The following AGMO variants were observed in gnomAD, a reference collection of about 807,000 sequenced individuals.
AGMO encodes glyceryl-ether monooxygenase.
In AGMO, 75 loss-of-function variants were observed where a neutral mutation model predicts 60.2. The observed-to-expected ratio is 1.25, with a 90% CI of 1.03 to 1.51. The LOEUF (loss-of-function observed/expected upper bound fraction) is 1.51, where lower values mean the gene tolerates loss of function less well. Ranked by LOEUF, AGMO falls within the 40% of genes most tolerant of loss-of-function variation. AGMO has a pLI of 0.00. For missense variants in AGMO, 763 were observed against 525.5 expected, an observed-to-expected ratio of 1.45 and a Z score of -4.42; for synonymous variants, 261 against 177.1, an observed-to-expected ratio of 1.47 and a Z score of -3.76.
At chr7:15,280,036 A>G (rs1462430293) in intron 12 of AGMO, among the ~76,000 whole-genome samples, 1 of 152,104 alleles carries the variant, frequency 6.6e-6, no homozygotes, top group Non-Finnish European at 1.5e-5. Context: ...TAGTGATATA[A>G]TCTCAATTGA....
intron 12 of AGMO, among the ~76,000 whole-genome samples, chr7:15,279,832 G>C (rs1162489586): frequency 1.3e-5 from 2 of 152,186 alleles, no homozygotes; most frequent in Non-Finnish European, 2.9e-5. Flanking sequence ...ACCATACCCA[G>C]TGCTGGAACT....
At chr7:15,221,641 T>A (rs1175911096) in intron 12 of AGMO, among the ~76,000 whole-genome samples, 1 of 152,268 alleles carries the variant, frequency 6.6e-6, no homozygotes, top group South Asian at 2.1e-4. Flanking sequence ...CTGGAAATTG[T>A]AGAATCCCTT....
At chr7:15,490,492 A>C (rs1783041478) in intron 3 of AGMO, among the ~76,000 whole-genome samples, 1 of 152,110 alleles carries the variant, frequency 6.6e-6, no homozygotes, top group Admixed American at 6.5e-5. Flanking sequence ...TTTTTTCTAG[A>C]GTTAATACTC....
At chr7:15,281,840 C>T (rs1279705611) in intron 12 of AGMO, among the ~76,000 whole-genome samples, 2 of 152,014 alleles carry the variant, frequency 1.3e-5, no homozygotes, top group Non-Finnish European at 2.9e-5. Context: ...TGAGATAAGC[C>T]TCAAGAAACT....
chr7:15,242,915 T>C (rs182434179), intron 12 of AGMO, among the ~76,000 whole-genome samples: 96 of 152,158 alleles, frequency 6.3e-4, no homozygotes, highest in African/African-American at 1.9e-3. Context: ...TACTACAATA[T>C]TTTAGGAAGT....
chr7:15,240,896 G>C (rs571553217), intron 12 of AGMO, among the ~76,000 whole-genome samples: 1 of 151,878 alleles, frequency 6.6e-6, no homozygotes, highest in Non-Finnish European at 1.5e-5. Context: ...TAGTTCAGTG[G>C]AGTTAATTCA....
At chr7:15,122,318 A>G in the AGMO span, among the ~76,000 whole-genome samples, 1 of 152,112 alleles carries the variant, frequency 6.6e-6, no homozygotes, top group Non-Finnish European at 1.5e-5. Context: ...CCTTAATGTC[A>G]GACTATCCAT....
intron 2 of AGMO, among the ~76,000 whole-genome samples, chr7:15,547,061 T>C (rs1301960301): frequency 6.6e-6 from 1 of 152,234 alleles, no homozygotes; most frequent in Non-Finnish European, 1.5e-5. Flanking sequence ...AAAATAGGAA[T>C]TCTTAACCTT....
At chr7:15,132,997 C>A in the AGMO span, among the ~76,000 whole-genome samples, 75 of 152,220 alleles carry the variant, frequency 4.9e-4, no homozygotes, top group African/African-American at 1.7e-3. Context: ...TTGACAGAAC[C>A]ATTTCACTAT....
chr7:15,310,786 C>T (rs1033337694), intron 12 of AGMO, among the ~76,000 whole-genome samples: 1 of 152,126 alleles, frequency 6.6e-6, no homozygotes, highest in Admixed American at 6.5e-5. Flanking sequence ...ATGGGCCTCA[C>T]TGTTCGAAAA....
Position 15,227,924 on chromosome 7 carries a change from T to TA in AGMO, c.1264-26566dup, listed in dbSNP as rs932510980. On this transcript the variant is annotated intron_variant, in intron 12 of 12. Transcript: ENST00000342526. Reference sequence around the variant, plus strand: ...TTTTCTTTCCTCAAAAGCTTGGTATTAGAGTATTGGCTTCTCGTGTGTTGG... The same window carrying TA: ...TTTTCTTTCCTCAAAAGCTTGGTATTAAGAGTATTGGCTTCTCGTGTGTTGG... Among the ~76,000 whole-genome samples, 13 of 152,208 alleles carry TA rather than the reference T, an allele frequency of 8.5e-5. No homozygotes were observed. The South Asian group carries it at 1.2e-3, about 15-fold the overall frequency.
intron 3 of AGMO, among the ~76,000 whole-genome samples, chr7:15,523,987 T>C (rs1784063030): frequency 6.6e-6 from 1 of 152,118 alleles, no homozygotes. Flanking sequence ...ATATTTTAGA[T>C]ACATATAAAA....
At chr7:15,195,656 C>T (rs1583282814), downstream of AGMO, among the ~76,000 whole-genome samples, 3 of 152,300 alleles carry the variant, frequency 2.0e-5, no homozygotes, top group South Asian at 6.2e-4. Flanking sequence ...CAACTGCTGG[C>T]ATTTACCTGT....
chr7:15,528,626 G>C (rs1285375611), intron 3 of AGMO, among the ~76,000 whole-genome samples: 1 of 151,988 alleles, frequency 6.6e-6, no homozygotes, highest in Non-Finnish European at 1.5e-5. Flanking sequence ...ACAATCAGAT[G>C]ACTGGAATAC....
the AGMO span, among the ~76,000 whole-genome samples, chr7:15,161,533 C>T: frequency 1.3e-5 from 2 of 150,768 alleles, no homozygotes; most frequent in Non-Finnish European, 3.0e-5. Flanking sequence ...ATATATGGAT[C>T]ATATATGCAT....
At chr7:15,531,822 C>A (rs567217533) in intron 3 of AGMO, among the ~76,000 whole-genome samples, 2 of 150,918 alleles carry the variant, frequency 1.3e-5, no homozygotes, top group Admixed American at 1.3e-4. Flanking sequence ...GTGCCCAACA[C>A]CATGCCCAGC....
the AGMO span, among the ~76,000 whole-genome samples, chr7:15,158,054 A>G: frequency 6.6e-6 from 1 of 152,188 alleles, no homozygotes; most frequent in Admixed American, 6.6e-5. Context: ...AAAATATTAA[A>G]TATTATATTT....
At chr7:15,343,104 T>C (rs1363600231) in intron 12 of AGMO, among the ~76,000 whole-genome samples, 1 of 152,180 alleles carries the variant, frequency 6.6e-6, no homozygotes, top group African/African-American at 2.4e-5. Context: ...TAGCAATAAT[T>C]GGAATCTAAA....
chr7:15,432,362 A>ACACACACT (rs1491460602), intron 3 of AGMO, among the ~76,000 whole-genome samples: 1 of 98,070 alleles, frequency 1.0e-5, no homozygotes, highest in Non-Finnish European at 2.3e-5. Flanking sequence ...ATATATATAT[A>ACACACACT]CACACACATA....
Sources: allele counts gnomAD v4.1 joint callset (sites outside exome capture counted in the v4.1 genomes callset), GRCh38; gene constraint gnomAD v4.1.1; transcripts MANE v1.5; gene names NCBI Gene and HGNC (gene_info 2026-07-23, HGNC 2026-07-21).